The following FOCAD variants were observed in gnomAD, a reference collection of about 807,000 sequenced individuals.
FOCAD encodes KIAA1797.
A neutral mutation model predicts 225.6 loss-of-function variants in FOCAD; 198 were observed. The ratio of observed to expected loss-of-function variants is 0.88; its 90% CI spans 0.78 to 0.99. The LOEUF is 0.99. Ranked by LOEUF, FOCAD falls within the 50% of genes least tolerant of loss-of-function variation. FOCAD has a pLI of 0.00. For missense variants in FOCAD, 2,713 were observed against 2,123.6 expected, an observed-to-expected ratio of 1.28 and a Z score of -5.46; for synonymous variants, 897 against 755.0, an observed-to-expected ratio of 1.19 and a Z score of -3.08.
At chr9:20,670,217 A>T (rs1822018845) in intron 2 of FOCAD, among the ~76,000 whole-genome samples, 1 of 152,214 alleles carries the variant, frequency 6.6e-6, no homozygotes, top group Non-Finnish European at 1.5e-5. Flanking sequence ...GGGTAGATTA[A>T]ATTTAGATAC....
At chr9:20,917,221 GCTTAAA>G (rs982452485) in intron 24 of FOCAD, among the ~76,000 whole-genome samples, 15 of 151,642 alleles carry the variant, frequency 9.9e-5, no homozygotes, top group East Asian at 1.9e-4. Flanking sequence ...ATGTGCTTTG[GCTTAAA>G]CTTAAAGGAT....
Position 20,753,747 on chromosome 9 carries a change from G to A in FOCAD, c.393-4343G>A, listed in dbSNP as rs1196019309. ...GAGATATGGACATGGCTACATAACA[G>A]TAAATGATTATGATAGTGTTCTGTA... On this transcript the variant is annotated intron_variant, in intron 5 of 43. Coordinates refer to ENST00000338382, the MANE Select transcript of FOCAD (RefSeq NM_001375567.1). Among the ~76,000 whole-genome samples, 3 of 151,894 alleles carry A rather than the reference G, an allele frequency of 2.0e-5. 1 individual carries two copies. The East Asian group carries it at 5.8e-4, about 29-fold the overall frequency.
chr9:20,791,991 A>G (rs1820585120), intron 11 of FOCAD, among the ~76,000 whole-genome samples: 1 of 152,202 alleles, frequency 6.6e-6, no homozygotes. Flanking sequence ...TCTGGCAGCC[A>G]GTTAGTTGTC....
chr9:20,720,753 C>G (rs901772062), intron 4 of FOCAD, among the ~76,000 whole-genome samples: 23 of 152,114 alleles, frequency 1.5e-4, no homozygotes, highest in African/African-American at 4.8e-4. Flanking sequence ...TTTTGGGGCT[C>G]TACTTAAATT....
intron 7 of FOCAD, among the ~76,000 whole-genome samples, chr9:20,766,730 G>T (rs1302738124): frequency 2.0e-5 from 3 of 149,334 alleles, no homozygotes; most frequent in Non-Finnish European, 4.4e-5. Context: ...ACTTTTCTCT[G>T]TTTTGTTTTG....
chr9:20,923,438 A>G (rs1834638290), intron 24 of FOCAD, among the ~76,000 whole-genome samples: 1 of 152,210 alleles, frequency 6.6e-6, no homozygotes, highest in African/African-American at 2.4e-5. Context: ...GAAAAGGCAT[A>G]ATGACCCATA....
At chr9:20,677,822 C>G (rs1399132891) in intron 2 of FOCAD, among the ~76,000 whole-genome samples, 1 of 152,094 alleles carries the variant, frequency 6.6e-6, no homozygotes, top group Non-Finnish European at 1.5e-5. Context: ...TACTGCAATC[C>G]CACTTTTGAG....
At chr9:20,800,308 A>G (rs575214893) in intron 11 of FOCAD, among the ~76,000 whole-genome samples, 2 of 152,170 alleles carry the variant, frequency 1.3e-5, no homozygotes, top group South Asian at 4.2e-4. Flanking sequence ...ACTTTGGTGA[A>G]TCTGACAATT....
intron 37 of FOCAD, among the ~76,000 whole-genome samples, chr9:20,980,680 A>G (rs527366351): frequency 9.2e-5 from 14 of 152,344 alleles, no homozygotes; most frequent in South Asian, 6.2e-4. Context: ...AAACAAAAAT[A>G]GCACACAAAA....
chr9:20,784,703 G>C (rs939563656), intron 10 of FOCAD, among the ~76,000 whole-genome samples: 4 of 152,072 alleles, frequency 2.6e-5, no homozygotes, highest in Admixed American at 1.3e-4. Flanking sequence ...TTGGGTCTTT[G>C]GTAATAAAGC....
At chr9:20,664,573 GA>G (rs1163995354) in intron 2 of FOCAD, among the ~76,000 whole-genome samples, 3 of 151,524 alleles carry the variant, frequency 2.0e-5, no homozygotes, top group African/African-American at 7.3e-5. Context: ...CATAAAGAAG[GA>G]ACCTTATAGT....
chr9:20,746,588 A>G (rs1010176847), intron 5 of FOCAD, among the ~76,000 whole-genome samples: 4 of 152,246 alleles, frequency 2.6e-5, no homozygotes, highest in Non-Finnish European at 5.9e-5. Context: ...TGTTTGCATT[A>G]TCATTATCTC....
Position 20,923,749 on chromosome 9 carries a change from ACT to A in FOCAD, c.2945_2946del (p.Ser982Ter). ...AGACATGAAGCCAGCCTCTCCTCAG[ACT>A]CTGACGGGCTCCTGGAGGTTAGTTG... On this transcript the variant is annotated frameshift_variant, in exon 25 of 44. Transcript: ENST00000338382. LOFTEE classifies it high-confidence loss of function. The A allele has an allele frequency of 6.2e-7, 1 of 1,613,620 alleles. No individual in the cohort carries two copies. The highest frequency in any genetic ancestry group is 1.1e-5 in the South Asian group (1 of 91,000).
intron 2 of FOCAD, among the ~76,000 whole-genome samples, chr9:20,662,646 G>T (rs952370655): frequency 6.6e-6 from 1 of 151,534 alleles, no homozygotes; most frequent in African/African-American, 2.4e-5. Context: ...TTTTTTAGAG[G>T]TGGGGGTCTC....
At chr9:20,883,823 A>G (rs768776349) in intron 20 of FOCAD, among the ~76,000 whole-genome samples, 3 of 152,228 alleles carry the variant, frequency 2.0e-5, no homozygotes, top group Non-Finnish European at 4.4e-5. Context: ...AGAAAGGAAA[A>G]TAATCAGTAT....
At chr9:20,680,427 G>A (rs575935666), upstream of FOCAD, among the ~76,000 whole-genome samples, 4 of 152,178 alleles carry the variant, frequency 2.6e-5, no homozygotes, top group African/African-American at 4.8e-5. Flanking sequence ...GCATGGTGGC[G>A]CACGCCTGTA....
At chr9:20,673,064 A>G (rs930238987) in intron 2 of FOCAD, among the ~76,000 whole-genome samples, 3 of 152,224 alleles carry the variant, frequency 2.0e-5, no homozygotes, top group Admixed American at 6.5e-5. Flanking sequence ...TGCAGTGGCA[A>G]TGAATGTCTG....
intron 35 of FOCAD, among the ~76,000 whole-genome samples, chr9:20,961,488 T>G (rs890868452): frequency 6.6e-6 from 1 of 152,152 alleles, no homozygotes; most frequent in African/African-American, 2.4e-5. Context: ...GCATGGTATT[T>G]AGAAGCTAAC....
At chr9:20,907,038 G>T (rs1302735300) in intron 21 of FOCAD, 112 bp from the exon 22 acceptor site, 1 of 770,130 alleles carries the variant, frequency 1.3e-6, no homozygotes, top group Non-Finnish European at 2.1e-6. Flanking sequence ...GATTTGGTTT[G>T]TTTTCAGAAT....
Sources: gnomAD v4.1 joint callset for allele counts (sites outside exome capture counted in the v4.1 genomes callset) on GRCh38, gnomAD v4.1.1 for gene constraint, MANE v1.5 for transcripts, NCBI Gene and HGNC (gene_info 2026-07-23, HGNC 2026-07-21) for gene names.